Variants in PTPRZ1 observed in about 807,000 individuals in gnomAD.
PTPRZ1 encodes receptor-type tyrosine-protein phosphatase zeta.
PTPRZ1 carries 82 observed loss-of-function variants against 214.1 expected under a neutral mutation model. That is an observed-to-expected ratio of 0.38 (90% CI 0.32 to 0.46). The LOEUF (loss-of-function observed/expected upper bound fraction) is 0.46. Among genes scored for constraint, PTPRZ1 ranks in the 20% least tolerant of loss-of-function variants. The pLI is 1.00. For missense variants in PTPRZ1, 2,603 were observed against 2,748.7 expected, an observed-to-expected ratio of 0.95 and a Z score of 1.19; for synonymous variants, 945 against 987.9, an observed-to-expected ratio of 0.96 and a Z score of 0.81.
chr7:121,924,072 T>C (rs1326479119), intron 1 of PTPRZ1, among the ~76,000 whole-genome samples: 1 of 152,116 alleles, frequency 6.6e-6, no homozygotes, highest in Non-Finnish European at 1.5e-5. Flanking sequence ...TTCTTGTATA[T>C]CATGTGAACA....
At chr7:121,917,986 T>C (rs1795473920) in intron 1 of PTPRZ1, among the ~76,000 whole-genome samples, 1 of 152,004 alleles carries the variant, frequency 6.6e-6, no homozygotes, top group African/African-American at 2.4e-5. Context: ...TGAAAAATTA[T>C]CAATTTATTA....
rs140653138 is a variant in PTPRZ1 at position 122,059,826 on chromosome 7, G to A, written c.6745G>A (p.Val2249Met). The A allele has an allele frequency of 5.2e-5, 84 of 1,613,496 alleles. 1 individual carries two copies. The highest frequency in any genetic ancestry group is 4.9e-4 in the East Asian group (22 of 44,830). Residue 2249 changes from valine to methionine, a missense_variant, in exon 29 of 30, where the codon GTG becomes ATG. Physicochemically the swap from Val to Met is conservative, Grantham distance 21. Around this residue, in one of 6 missense-constraint regions of PTPRZ1, gnomAD observed 165 missense variants for 151.4 expected, o/e 1.09. Transcript: ENST00000393386. ...LMHQLEKENS[V>M]DVYQVAKMIN... ...GCACCAACTAGAAAAAGAAAATTCC[G>A]TGGATGTTTACCAGGTAGCCAAGAT...
intron 13 of PTPRZ1, among the ~76,000 whole-genome samples, chr7:122,024,371 A>G (rs948099550): frequency 1.3e-5 from 2 of 152,002 alleles, no homozygotes; most frequent in African/African-American, 4.8e-5. Context: ...CATAAACACA[A>G]TTGTTTTGGC....
intron 1 of PTPRZ1, among the ~76,000 whole-genome samples, chr7:121,890,946 G>A (rs1794581446): frequency 6.6e-6 from 1 of 151,794 alleles, no homozygotes; most frequent in African/African-American, 2.4e-5. Flanking sequence ...CCAAAGTTTT[G>A]GGATTAAAAA....
At chr7:122,018,618 T>A (rs567261659) in intron 12 of PTPRZ1, among the ~76,000 whole-genome samples, 1 of 152,148 alleles carries the variant, frequency 6.6e-6, no homozygotes, top group Non-Finnish European at 1.5e-5. Context: ...GATTGAAAGG[T>A]TATCCTAATA....
At chr7:121,903,267 G>A (rs1795022893) in intron 1 of PTPRZ1, among the ~76,000 whole-genome samples, 1 of 152,154 alleles carries the variant, frequency 6.6e-6, no homozygotes, top group Admixed American at 6.5e-5. Flanking sequence ...TGATAAAAAT[G>A]CATATTTTTT....
chr7:122,058,198 G>C (rs1792432246), intron 27 of PTPRZ1, among the ~76,000 whole-genome samples: 2 of 151,740 alleles, frequency 1.3e-5, no homozygotes, highest in East Asian at 1.9e-4. Flanking sequence ...TTTAGGTTCT[G>C]CTACTTGTTT....
chr7:121,910,591 GTA>G (rs1795243130), intron 1 of PTPRZ1, among the ~76,000 whole-genome samples: 1 of 136,112 alleles, frequency 7.3e-6, no homozygotes, highest in Non-Finnish European at 1.5e-5. Context: ...TATGTAATCA[GTA>G]TATATTAGTT....
chr7:121,998,155 G>T, intron 10 of PTPRZ1, 149 bp downstream of exon 10: 1 of 804,106 alleles, frequency 1.2e-6, no homozygotes, highest in Non-Finnish European at 1.9e-6. Flanking sequence ...ATTTTTTGGG[G>T]CATGGGACCC....
intron 2 of PTPRZ1, among the ~76,000 whole-genome samples, chr7:121,950,351 T>G (rs1796513469): frequency 6.6e-6 from 1 of 152,216 alleles, no homozygotes; most frequent in Non-Finnish European, 1.5e-5. Flanking sequence ...ATGTGGTTTT[T>G]CCCAATCCTG....
At chr7:121,952,988 A>T (rs1796604804) in intron 2 of PTPRZ1, among the ~76,000 whole-genome samples, 1 of 149,962 alleles carries the variant, frequency 6.7e-6, no homozygotes. Context: ...GACACTAATT[A>T]AAAAAAAAAT....
At chr7:122,044,636 G>A in intron 23 of PTPRZ1, 68 bp downstream of exon 23, 1 of 1,519,328 alleles carries the variant, frequency 6.6e-7, no homozygotes, top group South Asian at 1.2e-5. Context: ...TCTCATTTGA[G>A]TTGACAGGGT....
intron 2 of PTPRZ1, among the ~76,000 whole-genome samples, chr7:121,936,032 G>A (rs547817756): frequency 3.9e-5 from 6 of 152,274 alleles, no homozygotes; most frequent in Non-Finnish European, 5.9e-5. Context: ...ACACTTTTAG[G>A]CAAAATGCCA....
chr7:121,927,811 T>C (rs1307126004), intron 1 of PTPRZ1, among the ~76,000 whole-genome samples: 4 of 152,220 alleles, frequency 2.6e-5, no homozygotes, highest in South Asian at 2.1e-4. Context: ...ACTTAGGGAA[T>C]GGTAACAAAA....
At position 122,039,476 on chromosome 7, in the gene PTPRZ1, C is replaced by G; in HGVS notation, c.5525C>G (p.Pro1842Arg). 1 of 1,613,984 alleles carries G rather than the reference C, an allele frequency of 6.2e-7. No homozygotes were observed. Among genetic ancestry groups the G allele is most frequent in the Non-Finnish European group, 8.5e-7 (1 of 1,179,974 alleles). ...CAGAGAAAATGTGATCAGTACTGGC[C>G]TGCCGATGGGAGTGAGGAGTACGGG... ...KGRRKCDQYWPADGSEEYGNF... is the reference protein window; with the variant it reads ...KGRRKCDQYWRADGSEEYGNF... The change falls in exon 20 of 30, where the codon CCT becomes CGT. Residue 1842 changes from proline (P) to arginine (R), a missense_variant. By Grantham distance (103) the Pro-to-Arg change is moderately radical. Coordinates refer to ENST00000393386, the MANE Select transcript of PTPRZ1 (RefSeq NM_002851.3).
chr7:121,953,200 G>T (rs549611383), intron 2 of PTPRZ1, among the ~76,000 whole-genome samples: 6 of 152,104 alleles, frequency 3.9e-5, no homozygotes, highest in East Asian at 1.9e-4. Context: ...TTTAATTTGG[G>T]TATTAATTTT....
intron 23 of PTPRZ1, among the ~76,000 whole-genome samples, chr7:122,048,851 G>A (rs943975823): frequency 1.3e-5 from 2 of 152,032 alleles, no homozygotes; most frequent in African/African-American, 2.4e-5. Context: ...AAAAAATCCA[G>A]GTGGAAAACT....
intron 6 of PTPRZ1, among the ~76,000 whole-genome samples, chr7:121,981,508 AATT>A (rs1797611127): frequency 6.6e-6 from 1 of 152,220 alleles, no homozygotes; most frequent in South Asian, 2.1e-4. Flanking sequence ...TAGGAAAACA[AATT>A]AGACACAGAT....
Position 122,013,214 on chromosome 7 carries a change from A to G in PTPRZ1, c.4168A>G (p.Thr1390Ala). Reference sequence around the variant, plus strand: ...CCACAGAGATGGTTCTGTAACCTCAACAAAGTTGCTGTTTCCTTCTAAGGC... The same window carrying G: ...CCACAGAGATGGTTCTGTAACCTCAGCAAAGTTGCTGTTTCCTTCTAAGGC... ...SPHRDGSVTS[T>A]KLLFPSKATS... Residue 1390 changes from threonine to alanine, a missense_variant, in exon 12 of 30, where the codon ACA becomes GCA. Transcript: ENST00000393386. 3 of 1,614,196 alleles carry G rather than the reference A, an allele frequency of 1.9e-6. No individual in the cohort carries two copies. The highest frequency in any genetic ancestry group is 1.7e-6 in the Non-Finnish European group (2 of 1,180,030).
Sources: allele counts gnomAD v4.1 joint callset (sites outside exome capture counted in the v4.1 genomes callset), GRCh38; gene constraint gnomAD v4.1.1; regional missense constraint gnomAD v4.1.1; transcripts MANE v1.5; gene names NCBI Gene and HGNC (gene_info 2026-07-23, HGNC 2026-07-21).